The following PLD5 variants were observed in gnomAD, a reference collection of about 807,000 sequenced individuals.
PLD5 encodes phospholipase D family member 5.
PLD5 carries 36 observed loss-of-function variants against 61.1 expected under a neutral mutation model. That is an observed-to-expected ratio of 0.59 (90% CI 0.45 to 0.78). The LOEUF is 0.78. Ranked by LOEUF, PLD5 falls within the 30% of genes least tolerant of loss-of-function variation. The pLI is 0.00. For missense variants in PLD5, 515 were observed against 644.4 expected, an observed-to-expected ratio of 0.80 and a Z score of 2.17; for synonymous variants, 243 against 242.8, an observed-to-expected ratio of 1.00 and a Z score of -0.01.
chr1:242,387,477 G>A lies in PLD5; in HGVS notation c.190-39235C>T, dbSNP rs932982325. Among the ~76,000 whole-genome samples the A allele has an allele frequency of 1.8e-4, 27 of 152,218 alleles. 1 individual carries two copies. The East Asian group carries it at 3.7e-3, about 21-fold the overall frequency. ...TTAGGACAGTGATGACATCCAGGGC[G>A]GAGGGTAGGGTGGAAGAGGGATAAG... On this transcript the variant is annotated intron_variant, in intron 1 of 9. Transcript: ENST00000536534.
chr1:242,467,102 C>G (rs1667300710), intron 1 of PLD5, among the ~76,000 whole-genome samples: 1 of 152,016 alleles, frequency 6.6e-6, no homozygotes, highest in Non-Finnish European at 1.5e-5. Flanking sequence ...TTTTAAATGT[C>G]CTCACCATAA....
At chr1:242,332,525 C>T (rs1659246365) in intron 2 of PLD5, among the ~76,000 whole-genome samples, 1 of 152,214 alleles carries the variant, frequency 6.6e-6, no homozygotes, top group African/African-American at 2.4e-5. Context: ...TCCTATTTCT[C>T]CGCATCCTCT....
At chr1:242,243,808 CT>C (rs1381772121) in intron 4 of PLD5, among the ~76,000 whole-genome samples, 1 of 152,172 alleles carries the variant, frequency 6.6e-6, no homozygotes, top group African/African-American at 2.4e-5. Context: ...TGATTTAACA[CT>C]ATTCTGCTGA....
intron 1 of PLD5, among the ~76,000 whole-genome samples, chr1:242,487,401 A>T (rs1413920400): frequency 1.3e-5 from 2 of 152,230 alleles, no homozygotes; most frequent in African/African-American, 2.4e-5. Context: ...CTCAAAGTGG[A>T]TCATAGATAT....
intron 1 of PLD5, among the ~76,000 whole-genome samples, chr1:242,410,843 A>G (rs1664508312): frequency 6.6e-6 from 1 of 152,104 alleles, no homozygotes; most frequent in South Asian, 2.1e-4. Context: ...CCTGCAGTGT[A>G]GGTCTTAGGT....
In PLD5 at chr1:242,125,027, ATGGCTGGAATCATGGATTC is replaced by A. The variant is rs1185233602; in HGVS notation, c.736-381_736-363del. Reference sequence around the variant, plus strand: ...TCAATTTTACTTGCAACATAACCGAATGGCTGGAATCATGGATTCTGGCTGGAATCATGGATTCTGGAGT... The same window carrying A: ...TCAATTTTACTTGCAACATAACCGAATGGCTGGAATCATGGATTCTGGAGT... On this transcript the variant is annotated intron_variant, in intron 5 of 9. Coordinates refer to ENST00000536534, the MANE Select transcript of PLD5 (RefSeq NM_001372062.1). Among the ~76,000 whole-genome samples, 117 of 152,238 alleles carry A rather than the reference ATGGCTGGAATCATGGATTC, an allele frequency of 7.7e-4. 1 individual carries two copies. Among genetic ancestry groups the A allele is most frequent in the South Asian group, 5.6e-3 (27 of 4,814 alleles).
intron 1 of PLD5, chr1:242,449,396 C>G: frequency 3.3e-6 from 5 of 1,536,086 alleles, no homozygotes; most frequent in Non-Finnish European, 3.5e-6. Flanking sequence ...AGTCCAGCAG[C>G]CAGGAGCTGT....
intron 1 of PLD5, among the ~76,000 whole-genome samples, chr1:242,418,025 G>A (rs1461507943): frequency 6.6e-6 from 1 of 152,102 alleles, no homozygotes; most frequent in Non-Finnish European, 1.5e-5. Flanking sequence ...GAAAGACAAG[G>A]GCAGAACCAG....
At chr1:242,295,671 TGGGTCAAATA>T (rs1675612597) in intron 2 of PLD5, among the ~76,000 whole-genome samples, 1 of 152,220 alleles carries the variant, frequency 6.6e-6, no homozygotes, top group African/African-American at 2.4e-5. Context: ...ATGGAATTGC[TGGGTCAAATA>T]GTAATTCTAT....
chr1:242,129,033 A>G (rs1302723677), intron 5 of PLD5, among the ~76,000 whole-genome samples: 1 of 152,210 alleles, frequency 6.6e-6, no homozygotes, highest in East Asian at 1.9e-4. Context: ...GATGGAGGGA[A>G]GAATATTTAT....
chr1:242,161,237 G>A (rs1193966050), intron 5 of PLD5, among the ~76,000 whole-genome samples: 1 of 152,056 alleles, frequency 6.6e-6, no homozygotes, highest in Non-Finnish European at 1.5e-5. Flanking sequence ...ATGGCACAAG[G>A]CAGAGGAGGA....
At chr1:242,393,680 A>ATG (rs1332702305) in intron 1 of PLD5, among the ~76,000 whole-genome samples, 9 of 95,582 alleles carry the variant, frequency 9.4e-5, no homozygotes, top group Admixed American at 2.5e-4. Flanking sequence ...ATGAGTATAT[A>ATG]TGTGTATATA....
chr1:242,464,340 T>C (rs1667211409), intron 1 of PLD5, among the ~76,000 whole-genome samples: 1 of 152,212 alleles, frequency 6.6e-6, no homozygotes, highest in Non-Finnish European at 1.5e-5. Flanking sequence ...CAGTGCTACC[T>C]GGATGTTTAG....
intron 1 of PLD5, among the ~76,000 whole-genome samples, chr1:242,433,877 A>G (rs2102893800): frequency 6.6e-6 from 1 of 152,312 alleles, no homozygotes; most frequent in East Asian, 1.9e-4. Context: ...TGTGATTGTC[A>G]CTACTGAGGA....
At chr1:242,238,276 G>T (rs900793730) in intron 4 of PLD5, among the ~76,000 whole-genome samples, 1 of 152,146 alleles carries the variant, frequency 6.6e-6, no homozygotes, top group Admixed American at 6.5e-5. Context: ...AACACCTAAT[G>T]CCAGAAGCCA....
At chr1:242,395,744 T>A (rs1572060184) in intron 1 of PLD5, among the ~76,000 whole-genome samples, 1 of 152,154 alleles carries the variant, frequency 6.6e-6, no homozygotes, top group East Asian at 1.9e-4. Context: ...CAAGGGGGAC[T>A]GACTGAGTGA....
intron 5 of PLD5, among the ~76,000 whole-genome samples, chr1:242,174,864 A>C (rs316879): frequency 0.51 from 78,013 of 151,850 alleles, 20,919 homozygotes; most frequent in East Asian, 0.73. Context: ...ACACCTGGAC[A>C]TAGGAAGGGG....
chr1:242,311,238 C>T (rs1676681066), intron 2 of PLD5, among the ~76,000 whole-genome samples: 4 of 152,080 alleles, frequency 2.6e-5, no homozygotes, highest in Admixed American at 2.6e-4. Flanking sequence ...TCTGAATTTT[C>T]AGAATTGCAG....
chr1:242,235,545 A>G (rs1365213828), intron 4 of PLD5: 1 of 152,296 alleles, frequency 6.6e-6, no homozygotes, highest in Non-Finnish European at 1.5e-5. Context: ...GGTAAGAAGA[A>G]TATGAGAGTA....
Sources: allele counts gnomAD v4.1 joint callset (sites outside exome capture counted in the v4.1 genomes callset), GRCh38; gene constraint gnomAD v4.1.1; transcripts MANE v1.5; gene names NCBI Gene and HGNC (gene_info 2026-07-23, HGNC 2026-07-21).